The following IFT27 variants were observed in gnomAD, a reference collection of about 807,000 sequenced individuals.
IFT27 encodes intraflagellar transport 27.
Under a neutral mutation model 23.9 loss-of-function variants are expected in IFT27, and 19 were observed. The ratio of observed to expected loss-of-function variants is 0.79; its 90% CI spans 0.55 to 1.16. The LOEUF is 1.16. Ranked by LOEUF, IFT27 falls within the 50% of genes most tolerant of loss-of-function variation. The pLI is 0.00. For missense variants in IFT27, 206 were observed against 228.7 expected (o/e 0.90, Z 0.64); for synonymous variants, 91 against 89.1 (o/e 1.02, Z -0.12).
intron 1 of IFT27, 82 bp from the exon 2 acceptor site, chr22:36,767,944 A>G: frequency 7.9e-7 from 1 of 1,259,984 alleles, no homozygotes; most frequent in Non-Finnish European, 1.2e-6. Context: ...ATTAGTCTAG[A>G]AACCAAAAAC....
rs376757393 is a variant in IFT27 at position 36,767,807 on chromosome 22, G to A, written c.90C>T (p.Ala30=). 66 of 1,614,166 alleles carry A rather than the reference G, an allele frequency of 4.1e-5. No homozygotes were observed. In the Middle Eastern group the frequency reaches 1.3e-3, roughly 32 times the overall value. ...ALAQIFRSDG[A]HFQKSYTLTT... Reference sequence around the variant, plus strand: ...CCAGGGTGTAGCTTTTCTGGAAATGGGCTCCATCACTGCGGAAGATCTGTG... The same window carrying A: ...CCAGGGTGTAGCTTTTCTGGAAATGAGCTCCATCACTGCGGAAGATCTGTG... Residue 30 remains alanine (A), a synonymous_variant, in exon 2 of 7, where the codon GCC becomes GCT. Transcript: ENST00000433985.
At chr22:36,765,438 T>A (rs776020423) in intron 4 of IFT27, among the ~76,000 whole-genome samples, 3 of 152,178 alleles carry the variant, frequency 2.0e-5, no homozygotes, top group Non-Finnish European at 4.4e-5. Flanking sequence ...CGTGAACCGA[T>A]GCATGAAGCC....
chr22:36,763,701 C>G (rs1016237894), intron 5 of IFT27: 8 of 640,050 alleles, frequency 1.2e-5, no homozygotes, highest in African/African-American at 7.2e-5. Flanking sequence ...CTGCCAGGTG[C>G]GTGTCCTCAT....
chr22:36,768,964 C>T (rs979803382), intron 1 of IFT27, among the ~76,000 whole-genome samples: 1 of 152,248 alleles, frequency 6.6e-6, no homozygotes, highest in Non-Finnish European at 1.5e-5. Context: ...TCCCATTTTA[C>T]AGTCGGCTTC....
intron 6 of IFT27, chr22:36,760,940 AGAG>A (rs1332381012): frequency 1.8e-5 from 3 of 167,110 alleles, no homozygotes; most frequent in South Asian, 2.1e-4. Flanking sequence ...TAGGCAGAAG[AGAG>A]GAGGAGATGA....
Position 36,776,056 on chromosome 22 carries a change from C to T in IFT27, c.-349G>A. On this transcript the variant is annotated 5_prime_UTR_variant, in exon 1 of 7. Coordinates refer to ENST00000433985, the MANE Select transcript of IFT27 (RefSeq NM_001177701.3). Reference sequence around the variant, plus strand: ...CCAGAGGGTTCAAGGAAGGACGATCCGGCTCTCCTCCGATCACAAGTACCG... The same window carrying T: ...CCAGAGGGTTCAAGGAAGGACGATCTGGCTCTCCTCCGATCACAAGTACCG... 2 of 347,908 alleles carry T rather than the reference C, an allele frequency of 5.7e-6. No individual in the cohort carries two copies. The highest frequency in any genetic ancestry group is 5.4e-6 in the Non-Finnish European group (1 of 184,238). The allele number at this position is 347,908 out of a possible 1,614,324, so 21.6% of individuals were successfully genotyped here.
intron 1 of IFT27, chr22:36,772,870 G>A: frequency 1.3e-6 from 1 of 790,730 alleles, no homozygotes; most frequent in Non-Finnish European, 1.5e-6. Flanking sequence ...GGTGGGGGTG[G>A]GTGGACAGGT....
rs1254748390 is a variant in IFT27, at chr22:36,762,923, TC to T, written c.442del (p.Glu148AsnfsTer7). Reference sequence around the variant, plus strand: ...ACTCACCACGGATGTTTCAAAACATTCCAGGCCCTGGCCCAGCGCCCATGCC... The same window carrying T: ...ACTCACCACGGATGTTTCAAAACATTCAGGCCCTGGCCCAGCGCCCATGCC... ...ARAWALGQGL[E>X]CFETSVKEME... is the part of the protein sequence containing the mutation. On this transcript the variant is annotated frameshift_variant, in exon 6 of 7. Coordinates refer to ENST00000433985, the MANE Select transcript of IFT27 (RefSeq NM_001177701.3). LOFTEE classifies it high-confidence loss of function. The T allele has an allele frequency of 6.3e-7, 1 of 1,583,176 alleles. No homozygotes were observed. Among genetic ancestry groups the T allele is most frequent in the Admixed American group, 1.7e-5 (1 of 57,842 alleles).
At chr22:36,766,799 T>C (rs1938260836) in intron 3 of IFT27, among the ~76,000 whole-genome samples, 1 of 152,104 alleles carries the variant, frequency 6.6e-6, no homozygotes, top group African/African-American at 2.4e-5. Context: ...ACAAGCTCCC[T>C]CCTGGCACTG....
At chr22:36,774,932 TC>T in intron 1 of IFT27, among the ~76,000 whole-genome samples, 1 of 152,270 alleles carries the variant, frequency 6.6e-6, no homozygotes, top group African/African-American at 2.4e-5. Context: ...CATATGTGTT[TC>T]GCAGTCTATA....
intron 1 of IFT27, among the ~76,000 whole-genome samples, chr22:36,771,607 C>T (rs1304991550): frequency 6.6e-6 from 1 of 152,136 alleles, no homozygotes; most frequent in South Asian, 2.1e-4. Flanking sequence ...ATCCCAGCTC[C>T]CTGGGTCTCT....
chr22:36,774,415 T>A (rs1938452181), intron 1 of IFT27, among the ~76,000 whole-genome samples: 1 of 152,088 alleles, frequency 6.6e-6, no homozygotes, highest in African/African-American at 2.4e-5. Context: ...AGTTAAGAGT[T>A]TTGGAGTTGG....
chr22:36,763,260 T>G, intron 5 of IFT27: 1 of 404,606 alleles, frequency 2.5e-6, no homozygotes. Flanking sequence ...ACCTCACGTG[T>G]ATCTGTCTCC....
At chr22:36,771,196 A>G (rs1282445203) in intron 1 of IFT27, among the ~76,000 whole-genome samples, 1 of 152,052 alleles carries the variant, frequency 6.6e-6, no homozygotes. Context: ...TGAGAGCCCC[A>G]CATGCTTCCC....
chr22:36,760,609 C>T (rs961764908), intron 6 of IFT27: 2 of 152,122 alleles, frequency 1.3e-5, no homozygotes, highest in East Asian at 1.9e-4. Context: ...GCCAGGGTAC[C>T]CCTTCTAGAA....
chr22:36,760,816 A>T (rs1046661417), intron 6 of IFT27: 1 of 167,244 alleles, frequency 6.0e-6, no homozygotes, highest in East Asian at 1.9e-4. Context: ...GGCCCTCATC[A>T]AACGTTACTT....
intron 3 of IFT27, among the ~76,000 whole-genome samples, chr22:36,766,758 G>A (rs1456669429): frequency 3.3e-5 from 5 of 151,890 alleles, no homozygotes; most frequent in African/African-American, 1.2e-4. Flanking sequence ...CCCAGGGCTG[G>A]TCCCCTAGGA....
intron 1 of IFT27, chr22:36,772,653 C>G: frequency 1.0e-6 from 1 of 985,476 alleles, no homozygotes; most frequent in South Asian, 4.7e-5. Context: ...TTGAGTGCAA[C>G]TGACTCATGC....
At chr22:36,767,435 C>G in intron 2 of IFT27, 70 bp from the exon 3 acceptor site, 1 of 1,377,292 alleles carries the variant, frequency 7.3e-7, no homozygotes, top group Non-Finnish European at 1.0e-6. Context: ...GGAGGACACA[C>G]AAGCACCCCG....
Sources: allele counts gnomAD v4.1 joint callset (sites outside exome capture counted in the v4.1 genomes callset), GRCh38; gene constraint gnomAD v4.1.1; transcripts MANE v1.5; gene names NCBI Gene and HGNC (gene_info 2026-07-23, HGNC 2026-07-21).